TTC23L: variants seen among roughly 807,000 people sequenced by gnomAD.
The protein encoded by TTC23L is tetratricopeptide repeat domain 23 like, also known as tetratricopeptide repeat protein 23-like.
In TTC23L, 42 loss-of-function variants were observed where a neutral mutation model predicts 48.1. That is an observed-to-expected ratio of 0.87 (90% confidence interval 0.68 to 1.13). TTC23L has a LOEUF of 1.13. Among genes scored for constraint, TTC23L ranks in the 50% most tolerant of loss-of-function variants. The probability of loss-of-function intolerance (pLI) is 0.00; values close to 1 mark genes in which losing one functional copy is unlikely to be tolerated. For synonymous variants in TTC23L, 159 were observed against 157.2 expected (o/e 1.01, Z -0.09); for missense variants, 391 against 421.0 (o/e 0.93, Z 0.62).
At chr5:34,839,643 T>C (rs1176378335) in intron 1 of TTC23L, 1 of 985,134 alleles carries the variant, frequency 1.0e-6, no homozygotes, top group Non-Finnish European at 1.2e-6. Flanking sequence ...TAATGGATGC[T>C]CTGGAGCCTG....
rs1271568292 is a variant in TTC23L at position 34,896,886 on chromosome 5, T to C, written c.*97+11T>C. On this transcript the variant is annotated intron_variant, in intron 10 of 10. Transcript: ENST00000505624. ...GTGTATGGAGGAATGGTAAGTACTT[T>C]ACAGCTGTTGTACAGGGCAGCATGT... 1.4e-4 allele frequency: 102 copies of C among 715,874 alleles called. No individual in the cohort carries two copies. The highest frequency in any genetic ancestry group is 2.0e-4 in the Non-Finnish European group (78 of 385,204). The allele number at this position is 715,874 out of a possible 1,614,324, so 44.3% of individuals were successfully genotyped here. A position where few individuals can be genotyped will look rare whatever the true frequency, so the allele number is the denominator to read the frequency against.
chr5:34,859,903 G>A (rs1241713650), intron 4 of TTC23L, among the ~76,000 whole-genome samples: 4 of 133,446 alleles, frequency 3.0e-5, no homozygotes, highest in African/African-American at 1.1e-4. Context: ...GAGTGCAGTA[G>A]CGTGATCTCG....
chr5:34,862,749 A>T, intron 4 of TTC23L, 149 bp from the exon 5 acceptor site: 1 of 920,294 alleles, frequency 1.1e-6, no homozygotes, highest in Non-Finnish European at 1.6e-6. Flanking sequence ...CATTTCCAAT[A>T]ATTCTGATTC....
chr5:34,877,886 G>T (rs974765946), intron 8 of TTC23L, among the ~76,000 whole-genome samples: 2 of 152,160 alleles, frequency 1.3e-5, no homozygotes, highest in African/African-American at 4.8e-5. Flanking sequence ...TGTGAAGGAA[G>T]AAATATAACT....
At chr5:34,917,443 C>T in the TTC23L span, among the ~76,000 whole-genome samples, 1 of 151,638 alleles carries the variant, frequency 6.6e-6, no homozygotes, top group African/African-American at 2.4e-5. Flanking sequence ...ACCAGCCTGG[C>T]CAAGATGGTG....
At chr5:34,871,057 C>G (rs1451023340) in intron 8 of TTC23L, among the ~76,000 whole-genome samples, 1 of 152,156 alleles carries the variant, frequency 6.6e-6, no homozygotes, top group Non-Finnish European at 1.5e-5. Flanking sequence ...CAAGGATGTT[C>G]ACTCTCACTG....
chr5:34,911,951 GA>G, the TTC23L span: 1 of 1,012,398 alleles, frequency 9.9e-7, no homozygotes, highest in East Asian at 2.5e-5. Flanking sequence ...CATAAAAAGG[GA>G]TGACATCTTC....
At position 34,840,742 on chromosome 5, in the gene TTC23L, A is replaced by C. The variant is rs754414825; in HGVS notation, c.68+3A>C. The C allele has an allele frequency of 9.3e-6, 15 of 1,613,114 alleles. No individual in the cohort carries two copies. Among genetic ancestry groups the C allele is most frequent in the Non-Finnish European group, 1.2e-5 (14 of 1,179,242 alleles). ...GACTGGGATTTCTGCTTCCATATGT[A>C]AGTATCACAGCATTTTGACATCACA... On this transcript the variant is annotated splice_donor_region_variant and intron_variant, in intron 2 of 10. Coordinates refer to ENST00000505624, the Ensembl canonical transcript of TTC23L.
chr5:34,860,859 G>T (rs1279087481), intron 4 of TTC23L: 1 of 152,386 alleles, frequency 6.6e-6, no homozygotes, highest in Non-Finnish European at 1.5e-5. Context: ...TCTGCTCAAG[G>T]ATCTTTTTCT....
chr5:34,864,561 A>C, exon 6 of TTC23L: 1 of 1,612,260 alleles, frequency 6.2e-7, no homozygotes, highest in Non-Finnish European at 8.5e-7. Flanking sequence ...TGCTTTGGGC[A>C]GGTAAGATCT....
chr5:34,866,601 A>C (rs1761062817), intron 6 of TTC23L, among the ~76,000 whole-genome samples: 1 of 152,146 alleles, frequency 6.6e-6, no homozygotes, highest in Non-Finnish European at 1.5e-5. Flanking sequence ...TTTATGGGTG[A>C]ATTATCCCAT....
the TTC23L span, chr5:34,915,955 G>A: frequency 6.8e-7 from 1 of 1,477,908 alleles, no homozygotes; most frequent in South Asian, 1.4e-5. Flanking sequence ...GCCTTTTCTT[G>A]GGTTACTTAC....
the TTC23L span, chr5:34,909,260 G>A: frequency 5.0e-6 from 8 of 1,597,526 alleles, no homozygotes; most frequent in South Asian, 5.5e-5. Context: ...GAACTGACCT[G>A]TTGACTTGGG....
intron 8 of TTC23L, among the ~76,000 whole-genome samples, chr5:34,871,063 C>T (rs1379277154): frequency 8.5e-5 from 13 of 152,154 alleles, no homozygotes; most frequent in Admixed American, 8.5e-4. Flanking sequence ...TGTTCACTCT[C>T]ACTGCTCCTA....
the TTC23L span, chr5:34,915,625 A>C: frequency 1.5e-6 from 2 of 1,324,766 alleles, no homozygotes; most frequent in South Asian, 3.2e-5. Context: ...GGCGGCACAG[A>C]CCTGGAGGAC....
the TTC23L span, chr5:34,914,670 G>A: frequency 6.8e-6 from 11 of 1,611,284 alleles, no homozygotes; most frequent in Non-Finnish European, 9.3e-6. Flanking sequence ...CTATGGCACA[G>A]GCTTAAAGGC....
intron 3 of TTC23L, among the ~76,000 whole-genome samples, chr5:34,846,576 A>AAAAATAT (rs1208315692): frequency 1.0e-5 from 1 of 98,346 alleles, no homozygotes; most frequent in African/African-American, 6.3e-5. Context: ...AAAAAAAAAA[A>AAAAATAT]ATATATATAT....
downstream of TTC23L, among the ~76,000 whole-genome samples, chr5:34,903,526 T>TA (rs1763562463): frequency 6.6e-6 from 1 of 152,134 alleles, no homozygotes; most frequent in Non-Finnish European, 1.5e-5. Flanking sequence ...CTCTTGGTGG[T>TA]ATACATTCTG....
chr5:34,880,138 A>G, intron 8 of TTC23L, 43 bp from the exon 9 acceptor site: 1 of 1,575,942 alleles, frequency 6.3e-7, no homozygotes, highest in Non-Finnish European at 8.6e-7. Flanking sequence ...GACATTTGTA[A>G]AGGTTAGCAG....
Sources: gnomAD v4.1 joint callset for allele counts (sites outside exome capture counted in the v4.1 genomes callset) on GRCh38, gnomAD v4.1.1 for gene constraint, MANE v1.5 for transcripts, NCBI Gene and HGNC (gene_info 2026-07-23, HGNC 2026-07-21) for gene names.